The following MTHFD2L variants were observed in gnomAD, a reference collection of about 807,000 sequenced individuals.
MTHFD2L encodes methylenetetrahydrofolate dehydrogenase (NADP+ dependent) 2 like, also known as bifunctional methylenetetrahydrofolate dehydrogenase/cyclohydrolase 2, mitochondrial.
A neutral mutation model predicts 34.9 loss-of-function variants in MTHFD2L; 29 were observed. That is an observed-to-expected ratio of 0.83 (90% CI 0.62 to 1.13). The LOEUF (loss-of-function observed/expected upper bound fraction) is 1.13. MTHFD2L is among the 50% of genes most tolerant of loss of function. MTHFD2L has a pLI of 0.00. For missense variants in MTHFD2L, 481 were observed against 446.5 expected (o/e 1.08, Z -0.70); for synonymous variants, 167 against 155.7 (o/e 1.07, Z -0.54).
At chr4:74,270,121 T>C (rs1380580582) in intron 6 of MTHFD2L, among the ~76,000 whole-genome samples, 1 of 151,986 alleles carries the variant, frequency 6.6e-6, no homozygotes, top group Non-Finnish European at 1.5e-5. Context: ...TTTTAGTCAT[T>C]AGCTAGTGGT....
intron 6 of MTHFD2L, among the ~76,000 whole-genome samples, chr4:74,246,671 G>A (rs1422042616): frequency 6.6e-6 from 1 of 152,116 alleles, no homozygotes; most frequent in African/African-American, 2.4e-5. Flanking sequence ...TGTAAGGAAG[G>A]GATCCAGTTT....
intron 6 of MTHFD2L, among the ~76,000 whole-genome samples, chr4:74,245,346 C>T (rs1463158007): frequency 6.6e-6 from 1 of 151,250 alleles, no homozygotes; most frequent in Non-Finnish European, 1.5e-5. Context: ...TTTATTTTAA[C>T]ATGTAATAGA....
chr4:74,277,276 C>G (rs1746792685), intron 6 of MTHFD2L, among the ~76,000 whole-genome samples: 1 of 151,808 alleles, frequency 6.6e-6, no homozygotes, highest in Non-Finnish European at 1.5e-5. Context: ...TGTGCTTGCC[C>G]CATTGTGACA....
intron 1 of MTHFD2L, among the ~76,000 whole-genome samples, chr4:74,139,172 T>A (rs1025370383): frequency 6.6e-6 from 1 of 152,178 alleles, no homozygotes; most frequent in African/African-American, 2.4e-5. Flanking sequence ...CACTGTCTCT[T>A]ATTTGGCAGT....
intron 1 of MTHFD2L, among the ~76,000 whole-genome samples, chr4:74,159,067 GT>G (rs1724839287): frequency 6.6e-6 from 1 of 152,158 alleles, no homozygotes; most frequent in African/African-American, 2.4e-5. Context: ...TCTCACTCGA[GT>G]TTTTGTATCC....
intron 6 of MTHFD2L, among the ~76,000 whole-genome samples, chr4:74,240,208 T>C (rs191714777): frequency 1.3e-4 from 20 of 152,344 alleles, no homozygotes; most frequent in Non-Finnish European, 8.8e-5. Context: ...ATGGCGTTAG[T>C]TTTACTGCAG....
At chr4:74,208,621 T>C (rs1215039758) in intron 5 of MTHFD2L, among the ~76,000 whole-genome samples, 2 of 152,146 alleles carry the variant, frequency 1.3e-5, no homozygotes, top group African/African-American at 4.8e-5. Flanking sequence ...ATGGAATTTA[T>C]TGGGTGAAAA....
At chr4:74,192,252 C>T (rs993000960) in intron 3 of MTHFD2L, among the ~76,000 whole-genome samples, 1 of 152,090 alleles carries the variant, frequency 6.6e-6, no homozygotes, top group Non-Finnish European at 1.5e-5. Context: ...ATCTGACCGC[C>T]TCCCAACATA....
intron 4 of MTHFD2L, among the ~76,000 whole-genome samples, chr4:74,200,252 C>T (rs1340313463): frequency 1.3e-5 from 2 of 151,972 alleles, no homozygotes; most frequent in Non-Finnish European, 2.9e-5. Flanking sequence ...GCGGAGCTTG[C>T]AGTGAGCCGA....
chr4:74,210,352 G>T (rs1308124234), intron 5 of MTHFD2L, among the ~76,000 whole-genome samples: 14 of 152,094 alleles, frequency 9.2e-5, no homozygotes, highest in African/African-American at 3.4e-4. Context: ...AATCCATCTT[G>T]AGTTAATTTT....
intron 6 of MTHFD2L, among the ~76,000 whole-genome samples, chr4:74,278,064 T>C (rs1040363676): frequency 6.6e-6 from 1 of 152,114 alleles, no homozygotes; most frequent in East Asian, 1.9e-4. Flanking sequence ...TTAAACTGTG[T>C]TTATTGAGAT....
At chr4:74,236,431 C>T (rs1186773298) in intron 6 of MTHFD2L, among the ~76,000 whole-genome samples, 4 of 152,302 alleles carry the variant, frequency 2.6e-5, no homozygotes, top group South Asian at 2.1e-4. Context: ...GACCTGAAAA[C>T]GAAAGTTCTA....
At chr4:74,162,746 T>G (rs992340928) in intron 1 of MTHFD2L, among the ~76,000 whole-genome samples, 2 of 152,066 alleles carry the variant, frequency 1.3e-5, no homozygotes, top group Admixed American at 6.6e-5. Flanking sequence ...ATTGAGAAAT[T>G]GAGGCTTAAA....
In MTHFD2L at chr4:74,174,658, T is replaced by C. The variant is rs927008160; in HGVS notation, c.296T>C (p.Val99Ala). 29 of 1,573,848 alleles carry C rather than the reference T, an allele frequency of 1.8e-5. No homozygotes were observed. Among genetic ancestry groups the C allele is most frequent in the Non-Finnish European group, 2.4e-5 (28 of 1,162,562 alleles). ...GATAACCCAGCAAGCCATACATATG[T>C]CAGGAATAAGATAAGAGCTGCCTCT... ...VGDNPASHTY[V>A]RNKIRAASAV... The change falls in exon 2 of 8, where the codon GTC becomes GCC. Residue 99 changes from valine to alanine, a missense_variant. Coordinates refer to ENST00000325278, the MANE Select transcript of MTHFD2L (RefSeq NM_001144978.3).
chr4:74,158,807 C>T (rs1724760540), intron 1 of MTHFD2L, among the ~76,000 whole-genome samples: 1 of 152,154 alleles, frequency 6.6e-6, no homozygotes, highest in Non-Finnish European at 1.5e-5. Flanking sequence ...CTCTCCCTCC[C>T]TAAACCTCTG....
At chr4:74,159,920 CT>C (rs1322078879) in intron 1 of MTHFD2L, 1 of 308,198 alleles carries the variant, frequency 3.2e-6, no homozygotes, top group African/African-American at 2.2e-5. Context: ...TTTTGACGCC[CT>C]CTTTGTACTG....
chr4:74,232,071 A>G (rs1270796385), intron 6 of MTHFD2L, among the ~76,000 whole-genome samples: 1 of 152,196 alleles, frequency 6.6e-6, no homozygotes, highest in Non-Finnish European at 1.5e-5. Context: ...TAGAAATGAT[A>G]AATCAGTTGA....
chr4:74,192,006 T>C (rs1732620961), intron 3 of MTHFD2L, among the ~76,000 whole-genome samples: 5 of 152,322 alleles, frequency 3.3e-5, no homozygotes, highest in African/African-American at 1.2e-4. Flanking sequence ...AGTAGCCATT[T>C]ATTCAATAAA....
upstream of MTHFD2L, among the ~76,000 whole-genome samples, chr4:74,153,235 C>T (rs1350852504): frequency 6.6e-6 from 1 of 152,190 alleles, no homozygotes. Flanking sequence ...GCTAACTGTT[C>T]ACATTCTGAT....
Sources: allele counts gnomAD v4.1 joint callset (sites outside exome capture counted in the v4.1 genomes callset), GRCh38; gene constraint gnomAD v4.1.1; transcripts MANE v1.5; gene names NCBI Gene and HGNC (gene_info 2026-07-23, HGNC 2026-07-21).